NLGN1: variants seen among roughly 807,000 people sequenced by gnomAD.
NLGN1 encodes neuroligin 1, also known as neuroligin-1.
In NLGN1, 12 loss-of-function variants were observed where a neutral mutation model predicts 65.5. That is an observed-to-expected ratio of 0.18 (90% CI 0.12 to 0.30). NLGN1 has a LOEUF of 0.30. Among genes scored for constraint, NLGN1 ranks in the 10% least tolerant of loss-of-function variants. NLGN1 has a pLI of 1.00. For missense variants in NLGN1, 750 were observed against 1,007.1 expected (o/e 0.74, Z 3.46); for synonymous variants, 350 against 359.5 (o/e 0.97, Z 0.30).
chr3:173,861,783 G>T (rs1729158128), intron 4 of NLGN1, among the ~76,000 whole-genome samples: 1 of 151,846 alleles, frequency 6.6e-6, no homozygotes. Flanking sequence ...TATTGAGACA[G>T]AGTCTTGGTG....
At chr3:174,250,794 A>C (rs1162148711) in intron 4 of NLGN1, among the ~76,000 whole-genome samples, 4 of 152,210 alleles carry the variant, frequency 2.6e-5, no homozygotes, top group African/African-American at 9.6e-5. Flanking sequence ...GAATATATAG[A>C]TAATCAAATA....
intron 4 of NLGN1, among the ~76,000 whole-genome samples, chr3:174,138,221 T>G (rs1721580653): frequency 6.6e-6 from 1 of 152,136 alleles, no homozygotes; most frequent in Admixed American, 6.5e-5. Flanking sequence ...ATTTGAAATT[T>G]GGCATAGAAA....
rs533876824 is a variant in NLGN1, at chr3:174,138,656, G to A, written c.647-136659G>A. 6.1e-4 allele frequency among the ~76,000 whole-genome samples: 93 copies of A among 151,978 alleles called. No individual in the cohort carries two copies. The East Asian group carries it at 0.015, about 24-fold the overall frequency. Reference sequence around the variant, plus strand: ...TCACCGTGTTAGCCAGGATGGTCTTGATCTCCTGACCTCGTGATCCGCCCG... The same window carrying A: ...TCACCGTGTTAGCCAGGATGGTCTTAATCTCCTGACCTCGTGATCCGCCCG... On this transcript the variant is annotated intron_variant, in intron 4 of 6. Coordinates refer to ENST00000457714, the Ensembl canonical transcript of NLGN1.
chr3:173,841,147 T>TTGTA (rs145205282), intron 4 of NLGN1, among the ~76,000 whole-genome samples: 1 of 149,906 alleles, frequency 6.7e-6, no homozygotes, highest in African/African-American at 2.4e-5. Flanking sequence ...ATATCTATAG[T>TTGTA]TATATATATA....
chr3:173,636,165 G>A (rs144345134), intron 3 of NLGN1, among the ~76,000 whole-genome samples: 55 of 152,098 alleles, frequency 3.6e-4, no homozygotes, highest in Non-Finnish European at 7.6e-4. Flanking sequence ...ATTAGTTGGC[G>A]AAAGAGGAAA....
At chr3:173,853,360 T>C (rs2150751621) in intron 4 of NLGN1, among the ~76,000 whole-genome samples, 1 of 152,320 alleles carries the variant, frequency 6.6e-6, no homozygotes, top group Non-Finnish European at 1.5e-5. Context: ...TAAACTAGCT[T>C]CAGTGCATCT....
At chr3:173,841,522 T>C (rs1210346741) in intron 4 of NLGN1, among the ~76,000 whole-genome samples, 1 of 152,192 alleles carries the variant, frequency 6.6e-6, no homozygotes, top group Non-Finnish European at 1.5e-5. Context: ...ATTCCCTCCA[T>C]GAGCAAGGAC....
At chr3:173,488,475 T>A (rs1728528858) in intron 2 of NLGN1, among the ~76,000 whole-genome samples, 2 of 152,152 alleles carry the variant, frequency 1.3e-5, no homozygotes, top group Non-Finnish European at 2.9e-5. Flanking sequence ...ATTCTGTAAG[T>A]GGTACACTTT....
chr3:173,972,332 A>T (rs922772611), intron 4 of NLGN1, among the ~76,000 whole-genome samples: 1 of 152,148 alleles, frequency 6.6e-6, no homozygotes, highest in South Asian at 2.1e-4. Context: ...TAAAGTGATT[A>T]GGTTTTTCTA....
intron 4 of NLGN1, among the ~76,000 whole-genome samples, chr3:174,134,858 CCA>C (rs1720920197): frequency 6.6e-6 from 1 of 152,086 alleles, no homozygotes; most frequent in South Asian, 2.1e-4. Context: ...TTCCATATTC[CCA>C]GATATCCAGC....
At chr3:173,649,675 A>G (rs1277043895) in intron 3 of NLGN1, among the ~76,000 whole-genome samples, 1 of 152,130 alleles carries the variant, frequency 6.6e-6, no homozygotes, top group Admixed American at 6.5e-5. Flanking sequence ...ACAGGCAACT[A>G]TAATCACACA....
intron 4 of NLGN1, among the ~76,000 whole-genome samples, chr3:174,063,326 G>T (rs1737808390): frequency 6.6e-6 from 1 of 152,080 alleles, no homozygotes; most frequent in South Asian, 2.1e-4. Context: ...GTTCATCACT[G>T]CAGACCTGTT....
At chr3:173,636,226 C>T (rs1315858306) in intron 3 of NLGN1, among the ~76,000 whole-genome samples, 1 of 152,004 alleles carries the variant, frequency 6.6e-6, no homozygotes. Flanking sequence ...ACCGCTGCTG[C>T]ATCCCTGCAC....
At chr3:173,854,311 G>T (rs1727536681) in intron 4 of NLGN1, among the ~76,000 whole-genome samples, 1 of 151,772 alleles carries the variant, frequency 6.6e-6, no homozygotes, top group South Asian at 2.1e-4. Flanking sequence ...TGCCATTTCA[G>T]TGTATTAAAA....
chr3:173,438,346 GA>G (rs975067744), intron 2 of NLGN1, among the ~76,000 whole-genome samples: 1 of 151,464 alleles, frequency 6.6e-6, no homozygotes, highest in Admixed American at 6.6e-5. Context: ...TTAAAAAGGT[GA>G]AAAAAAATGA....
chr3:173,839,500 G>A (rs1438911009), intron 4 of NLGN1, among the ~76,000 whole-genome samples: 1 of 151,288 alleles, frequency 6.6e-6, no homozygotes, highest in Non-Finnish European at 1.5e-5. Flanking sequence ...TCAGCTCACT[G>A]CAACCTCTGC....
At chr3:173,908,986 A>C (rs1465396351) in intron 4 of NLGN1, among the ~76,000 whole-genome samples, 1 of 152,232 alleles carries the variant, frequency 6.6e-6, no homozygotes, top group East Asian at 1.9e-4. Context: ...TGTCTTAAGA[A>C]TCATTAGTCT....
chr3:173,776,273 T>C (rs1780285773), intron 3 of NLGN1, among the ~76,000 whole-genome samples: 1 of 152,030 alleles, frequency 6.6e-6, no homozygotes, highest in Admixed American at 6.6e-5. Context: ...CAACTGGCCT[T>C]AGAGAGCCCC....
intron 2 of NLGN1, among the ~76,000 whole-genome samples, chr3:173,489,099 T>G (rs755456613): frequency 6.6e-6 from 1 of 152,000 alleles, no homozygotes; most frequent in Admixed American, 6.6e-5. Context: ...TTTATTATTA[T>G]TATACTTTAA....
Sources: gnomAD v4.1 joint callset for allele counts (sites outside exome capture counted in the v4.1 genomes callset) on GRCh38, gnomAD v4.1.1 for gene constraint, MANE v1.5 for transcripts, NCBI Gene and HGNC (gene_info 2026-07-23, HGNC 2026-07-21) for gene names.